The following PAK1 variants were observed in gnomAD, a reference collection of about 807,000 sequenced individuals.
The protein encoded by PAK1 is serine/threonine-protein kinase PAK 1.
PAK1 carries 29 observed loss-of-function variants against 67.4 expected under a neutral mutation model. That is an observed-to-expected ratio of 0.43 (90% CI 0.32 to 0.59). PAK1 has a LOEUF of 0.59. Ranked by LOEUF, PAK1 falls within the 20% of genes least tolerant of loss-of-function variation. PAK1 has a pLI of 0.07. For missense variants in PAK1, 337 were observed against 670.7 expected (o/e 0.50, Z 5.50); for synonymous variants, 223 against 237.4 (o/e 0.94, Z 0.56).
In PAK1 at chr11:77,471,212, T is replaced by A. The variant is rs80121232; in HGVS notation, c.-22+2340A>T. On this transcript the variant is annotated intron_variant, in intron 1 of 14. Transcript: ENST00000356341. ...AAGAGAGGGATGGGATGGGATGGGATGGGATGTCACGCAGTTAAGTGCTAC... is the reference window on the plus strand; with the variant it reads ...AAGAGAGGGATGGGATGGGATGGGAAGGGATGTCACGCAGTTAAGTGCTAC... Among the ~76,000 whole-genome samples the A allele has an allele frequency of 3.5e-4, 53 of 152,188 alleles. No homozygotes were observed. The East Asian group carries it at 9.5e-3, about 27-fold the overall frequency.
intron 2 of PAK1, among the ~76,000 whole-genome samples, chr11:77,389,755 C>T (rs1057417601): frequency 6.6e-6 from 1 of 152,208 alleles, no homozygotes; most frequent in African/African-American, 2.4e-5. Flanking sequence ...TTTAGATACA[C>T]ATCCATTATA....
chr11:77,334,689 G>T (rs944591629), intron 13 of PAK1, among the ~76,000 whole-genome samples: 1 of 151,980 alleles, frequency 6.6e-6, no homozygotes, highest in Non-Finnish European at 1.5e-5. Flanking sequence ...CTTCCTTCTT[G>T]TACATGACCA....
At chr11:77,412,810 T>C (rs935873840) in intron 1 of PAK1, among the ~76,000 whole-genome samples, 1 of 152,240 alleles carries the variant, frequency 6.6e-6, no homozygotes, top group Non-Finnish European at 1.5e-5. Flanking sequence ...AAGTAGGCAC[T>C]ATACCAATTC....
chr11:77,424,398 T>C (rs889829153), intron 1 of PAK1, among the ~76,000 whole-genome samples: 20 of 152,216 alleles, frequency 1.3e-4, no homozygotes, highest in African/African-American at 4.8e-4. Flanking sequence ...AATTATCTCC[T>C]TTAGGGAACT....
the PAK1 span, among the ~76,000 whole-genome samples, chr11:77,496,867 A>C: frequency 6.6e-6 from 1 of 152,198 alleles, no homozygotes; most frequent in Non-Finnish European, 1.5e-5. Flanking sequence ...TGGGAGGTGG[A>C]GTTTGCAGTG....
the PAK1 span, among the ~76,000 whole-genome samples, chr11:77,502,182 T>A: frequency 6.6e-6 from 1 of 152,212 alleles, no homozygotes; most frequent in Non-Finnish European, 1.5e-5. Flanking sequence ...TATGTGCATG[T>A]GTATGTGTTT....
chr11:77,341,945 T>C (rs1005071525), intron 10 of PAK1, among the ~76,000 whole-genome samples: 1 of 152,230 alleles, frequency 6.6e-6, no homozygotes, highest in Non-Finnish European at 1.5e-5. Flanking sequence ...GACTAAGTGT[T>C]TCTTCAACAA....
At chr11:77,524,017 G>A in the PAK1 span, among the ~76,000 whole-genome samples, 1 of 152,196 alleles carries the variant, frequency 6.6e-6, no homozygotes, top group Non-Finnish European at 1.5e-5. Context: ...GAGAGACACA[G>A]AGAGATGTGC....
chr11:77,337,082 C>T (rs1037774911), intron 12 of PAK1, among the ~76,000 whole-genome samples: 1 of 150,166 alleles, frequency 6.7e-6, no homozygotes, highest in Non-Finnish European at 1.5e-5. Flanking sequence ...CATCACAGGA[C>T]CTAGCACAGA....
chr11:77,486,316 CAA>C, the PAK1 span, among the ~76,000 whole-genome samples: 8 of 151,694 alleles, frequency 5.3e-5, no homozygotes, highest in African/African-American at 1.9e-4. Context: ...CCAGCCTGGG[CAA>C]CATAGCAAGA....
intron 13 of PAK1, among the ~76,000 whole-genome samples, chr11:77,334,338 C>G (rs914125730): frequency 6.6e-6 from 1 of 152,020 alleles, no homozygotes; most frequent in Admixed American, 6.5e-5. Flanking sequence ...AAGCTGGGAT[C>G]AAAGGATAGA....
At chr11:77,378,825 C>T (rs894340971) in intron 4 of PAK1, among the ~76,000 whole-genome samples, 1 of 152,156 alleles carries the variant, frequency 6.6e-6, no homozygotes, top group Non-Finnish European at 1.5e-5. Context: ...TGACCTCAAG[C>T]GATCCTCTTG....
chr11:77,431,433 A>G (rs1839672957), intron 1 of PAK1, among the ~76,000 whole-genome samples: 1 of 152,204 alleles, frequency 6.6e-6, no homozygotes, highest in African/African-American at 2.4e-5. Context: ...TGAGTTAAAC[A>G]TATAGCTGAG....
chr11:77,493,948 C>T, the PAK1 span, among the ~76,000 whole-genome samples: 5 of 152,110 alleles, frequency 3.3e-5, no homozygotes, highest in African/African-American at 9.7e-5. Context: ...ATTCACTCAA[C>T]AAACACTCAA....
At chr11:77,444,389 G>A (rs1956502295) in intron 1 of PAK1, among the ~76,000 whole-genome samples, 1 of 151,768 alleles carries the variant, frequency 6.6e-6, no homozygotes, top group South Asian at 2.1e-4. Context: ...TCATCAGGAA[G>A]CTTATATTTT....
At chr11:77,394,707 T>C (rs1951610231) in intron 1 of PAK1, among the ~76,000 whole-genome samples, 1 of 152,194 alleles carries the variant, frequency 6.6e-6, no homozygotes, top group Middle Eastern at 3.4e-3. Flanking sequence ...TAGCTGGGCA[T>C]GGTGGCGCGC....
chr11:77,486,942 A>G, the PAK1 span, among the ~76,000 whole-genome samples: 2 of 152,204 alleles, frequency 1.3e-5, no homozygotes, highest in South Asian at 2.1e-4. Context: ...CTTAGGGGTT[A>G]TGTGACCTAG....
At chr11:77,432,060 C>T (rs1955887277) in intron 1 of PAK1, among the ~76,000 whole-genome samples, 2 of 152,074 alleles carry the variant, frequency 1.3e-5, no homozygotes, top group African/African-American at 4.8e-5. Context: ...CTGTGTCCTC[C>T]CACAAGCTTA....
intron 13 of PAK1, among the ~76,000 whole-genome samples, chr11:77,334,234 T>G (rs760974988): frequency 3.3e-5 from 5 of 152,114 alleles, no homozygotes; most frequent in Admixed American, 6.5e-5. Flanking sequence ...TCATTCTGTC[T>G]TATTTCCAAC....
Sources: allele counts gnomAD v4.1 joint callset (sites outside exome capture counted in the v4.1 genomes callset), GRCh38; gene constraint gnomAD v4.1.1; transcripts MANE v1.5; gene names NCBI Gene and HGNC (gene_info 2026-07-23, HGNC 2026-07-21).